The following ZNF195 variants were observed in gnomAD, a reference collection of about 807,000 sequenced individuals.
The protein encoded by ZNF195 is hypoxia-regulated factor-1.
A neutral mutation model predicts 19.5 loss-of-function variants in ZNF195; 11 were observed. The ratio of observed to expected loss-of-function variants is 0.57; its 90% CI spans 0.36 to 0.94. The LOEUF (loss-of-function observed/expected upper bound fraction) is 0.94. Among genes scored for constraint, ZNF195 ranks in the 40% least tolerant of loss-of-function variants. The pLI is 0.01. For synonymous variants in ZNF195, 214 were observed against 248.1 expected (o/e 0.86, Z 1.29); for missense variants, 582 against 709.0 (o/e 0.82, Z 2.03).
chr11:3,371,128 T>C, intron 2 of ZNF195, 58 bp from the exon 3 acceptor site: 2 of 1,510,828 alleles, frequency 1.3e-6, no homozygotes, highest in South Asian at 2.3e-5. Flanking sequence ...TTATCAACCT[T>C]GTACTGTGCT....
chr11:3,368,256 C>T (rs1173707957), intron 3 of ZNF195, among the ~76,000 whole-genome samples: 1 of 152,196 alleles, frequency 6.6e-6, no homozygotes, highest in Non-Finnish European at 1.5e-5. Context: ...TAGGTGGACC[C>T]TGGGTTATAT....
At chr11:3,363,858 A>G (rs1564917143) in intron 3 of ZNF195, among the ~76,000 whole-genome samples, 1 of 152,248 alleles carries the variant, frequency 6.6e-6, no homozygotes, top group Non-Finnish European at 1.5e-5. Flanking sequence ...AGATTTAAAA[A>G]TAAAACACAG....
At chr11:3,362,731 A>C in intron 3 of ZNF195, 3 of 378,278 alleles carry the variant, frequency 7.9e-6, no homozygotes, top group South Asian at 8.0e-5. Context: ...GCTAAAGTAC[A>C]TCTTTTCATT....
chr11:3,360,988 G>C (rs1170457135), intron 4 of ZNF195, among the ~76,000 whole-genome samples, 200 bp from the exon 5 acceptor site: 2 of 152,184 alleles, frequency 1.3e-5, no homozygotes, highest in African/African-American at 4.8e-5. Context: ...TGCCCCCTGT[G>C]ACACGGAGTG....
intron 1 of ZNF195, among the ~76,000 whole-genome samples, chr11:3,378,170 CGTGGT>C (rs1425172479): frequency 6.6e-6 from 1 of 151,904 alleles, no homozygotes; most frequent in Admixed American, 6.6e-5. Context: ...ATTAGCCGGG[CGTGGT>C]GGTGCAGGAC....
rs764059201 is a variant in ZNF195 at position 3,360,076 on chromosome 11, GT to G, written c.931del (p.Thr311LeufsTer64). ...TCTATTTTTAGTAAGGACTGAGCAA[GT>G]TTTAATGACGTTGTTACATTCTTGA... The part of the protein sequence containing the change: ...KCQECNNVIK[T>X]CSVLTKNRIY... On this transcript the variant is annotated frameshift_variant, in exon 6 of 6. Transcript: ENST00000399602. LOFTEE classifies it low-confidence loss of function (END_TRUNC). 1 of 1,614,114 alleles carries G rather than the reference GT, an allele frequency of 6.2e-7. No homozygotes were observed. Among genetic ancestry groups the G allele is most frequent in the South Asian group, 1.1e-5 (1 of 91,082 alleles).
intron 1 of ZNF195, among the ~76,000 whole-genome samples, chr11:3,376,339 A>T (rs1341838297): frequency 3.3e-5 from 5 of 152,232 alleles, no homozygotes; most frequent in Non-Finnish European, 7.3e-5. Context: ...AACTGAAAAA[A>T]AAAAAAAATC....
intron 3 of ZNF195, among the ~76,000 whole-genome samples, chr11:3,369,789 G>C (rs1849100559): frequency 6.6e-6 from 1 of 152,234 alleles, no homozygotes; most frequent in Non-Finnish European, 1.5e-5. Flanking sequence ...AGATGAGTAA[G>C]TTTGGGGAAT....
intron 3 of ZNF195, among the ~76,000 whole-genome samples, chr11:3,370,138 T>A (rs1254766679): frequency 6.6e-6 from 1 of 151,920 alleles, no homozygotes; most frequent in Non-Finnish European, 1.5e-5. Flanking sequence ...AAGAATGAAA[T>A]CCTATCATTT....
At chr11:3,373,755 C>A (rs1183717767) in intron 1 of ZNF195, 2 of 848,014 alleles carry the variant, frequency 2.4e-6, no homozygotes, top group Admixed American at 2.5e-5. Flanking sequence ...CAGAAAAAGT[C>A]CACGCTTTTC....
At chr11:3,373,304 G>A (rs916083757) in intron 1 of ZNF195, among the ~76,000 whole-genome samples, 1 of 152,132 alleles carries the variant, frequency 6.6e-6, no homozygotes, top group African/African-American at 2.4e-5. Flanking sequence ...TCAGTGCCAC[G>A]AAGTGAACTT....
intron 1 of ZNF195, among the ~76,000 whole-genome samples, chr11:3,378,537 G>T (rs1173153332): frequency 1.3e-5 from 2 of 152,140 alleles, no homozygotes; most frequent in Non-Finnish European, 2.9e-5. Context: ...TAACTGTACC[G>T]AACTAATGAA....
intron 1 of ZNF195, chr11:3,373,604 C>T: frequency 6.4e-7 from 1 of 1,550,828 alleles, no homozygotes; most frequent in Non-Finnish European, 8.7e-7. Flanking sequence ...CTTTCTCTTT[C>T]TCCTGCTTCT....
intron 1 of ZNF195, among the ~76,000 whole-genome samples, chr11:3,374,976 TG>T (rs1849386208): frequency 6.6e-6 from 1 of 152,262 alleles, no homozygotes; most frequent in Non-Finnish European, 1.5e-5. Context: ...TTATCTGCTT[TG>T]GGGTTTCCGA....
chr11:3,379,145 G>T lies in ZNF195; in HGVS notation c.-105C>A. The T allele has an allele frequency of 7.3e-7, 1 of 1,366,624 alleles. No individual in the cohort carries two copies. Among genetic ancestry groups the T allele is most frequent in the Non-Finnish European group, 9.6e-7 (1 of 1,042,148 alleles). The allele number at this position is 1,366,624 out of a possible 1,614,324, so 84.7% of individuals were successfully genotyped here. A position where few individuals can be genotyped will look rare whatever the true frequency, so the allele number is the denominator to read the frequency against. ...GGACACAGAGCCGCGGGGACAGGAA[G>T]TGGAGCTCTGTCGGGACAAAGGCCC... On this transcript the variant is annotated 5_prime_UTR_variant, in exon 1 of 6. Coordinates refer to ENST00000399602, the MANE Select transcript of ZNF195 (RefSeq NM_001130520.3).
chr11:3,361,078 G>T (rs1038136774), intron 4 of ZNF195, among the ~76,000 whole-genome samples: 1 of 152,220 alleles, frequency 6.6e-6, no homozygotes, highest in Non-Finnish European at 1.5e-5. Flanking sequence ...GCGGTAGGAA[G>T]GCTGCAGCAG....
At position 3,359,773 on chromosome 11, in the gene ZNF195, C is replaced by A; in HGVS notation, c.1235G>T (p.Cys412Phe). The stretch of plus-strand genomic sequence containing the variant: ...CTTGAAGATGCTGTCACATTCCTCA[C>A]ATTTGAAAGGTTTCCCTCCAATCTC... ...RNEIGGKPFK[C>F]EECDSIFKWF... The change falls in exon 6 of 6, where the codon TGT (cysteine) becomes TTT (phenylalanine). Residue 412 changes from cysteine (C) to phenylalanine (F), a missense_variant. This residue lies in a region of ZNF195 where 407 missense variants were observed against 530.5 expected (regional missense o/e 0.77). Transcript: ENST00000399602. The surrounding 1 kb of genome is among the most constrained non-coding windows in gnomAD (Gnocchi z 5.5). 1 of 1,614,196 alleles carries A rather than the reference C, an allele frequency of 6.2e-7. No individual in the cohort carries two copies.
chr11:3,359,744 A>C lies in ZNF195; in HGVS notation c.1264T>G (p.Phe422Val), dbSNP rs1312470492. 6.2e-7 allele frequency: 1 copy of C among 1,614,046 alleles called. No homozygotes were observed. Among genetic ancestry groups the C allele is most frequent in the Non-Finnish European group, 8.5e-7 (1 of 1,180,046 alleles). The change falls in exon 6 of 6, where the codon TTC becomes GTC. Residue 422 changes from phenylalanine to valine, a missense_variant. By Grantham distance (50) the Phe-to-Val change is conservative. Transcript: ENST00000399602. The surrounding 1 kb of genome is among the most constrained non-coding windows in gnomAD (Gnocchi z 5.5). The part of the protein sequence containing the change: ...CEECDSIFKW[F>V]SDLTKHKRIH... ...CTCTTATGTTTAGTAAGGTCTGAGA[A>C]CCACTTGAAGATGCTGTCACATTCC...
intron 3 of ZNF195, among the ~76,000 whole-genome samples, chr11:3,370,143 T>G (rs1849123416): frequency 6.6e-6 from 1 of 152,082 alleles, no homozygotes; most frequent in Non-Finnish European, 1.5e-5. Flanking sequence ...TGAAATCCTA[T>G]CATTTCAAAA....
Sources: gnomAD v4.1 joint callset for allele counts (sites outside exome capture counted in the v4.1 genomes callset) on GRCh38, gnomAD v4.1.1 for gene constraint, gnomAD v4.1.1 regional missense constraint, Gnocchi (gnomAD v3.1) non-coding constraint, MANE v1.5 for transcripts, NCBI Gene and HGNC (gene_info 2026-07-23, HGNC 2026-07-21) for gene names.